The following ADAMTS19 variants were observed in gnomAD, a reference collection of about 807,000 sequenced individuals.
ADAMTS19 encodes the protein ADAM metallopeptidase with thrombospondin type 1 motif 19.
Under a neutral mutation model 153.3 loss-of-function variants are expected in ADAMTS19, and 93 were observed. That is an observed-to-expected ratio of 0.61 (90% CI 0.51 to 0.72). ADAMTS19 has a LOEUF of 0.72. Ranked by LOEUF, ADAMTS19 falls within the 30% of genes least tolerant of loss-of-function variation. The pLI is 0.00. For missense variants in ADAMTS19, 1,482 were observed against 1,552.1 expected, an observed-to-expected ratio of 0.95 and a Z score of 0.76; for synonymous variants, 600 against 556.6, an observed-to-expected ratio of 1.08 and a Z score of -1.10.
intron 2 of ADAMTS19, among the ~76,000 whole-genome samples, chr5:129,490,728 CCA>C (rs1157426219): frequency 1.3e-5 from 2 of 152,080 alleles, no homozygotes; most frequent in Non-Finnish European, 2.9e-5. Flanking sequence ...TCAGTTTATC[CCA>C]GATTACTAAG....
intron 20 of ADAMTS19, 68 bp downstream of exon 20, chr5:129,701,660 A>C: frequency 6.5e-7 from 1 of 1,529,642 alleles, no homozygotes; most frequent in South Asian, 1.2e-5. Flanking sequence ...ATCAGGTTGG[A>C]TCATGTTCAG....
At chr5:129,687,329 G>T (rs1755140335) in intron 18 of ADAMTS19, among the ~76,000 whole-genome samples, 1 of 152,046 alleles carries the variant, frequency 6.6e-6, no homozygotes, top group African/African-American at 2.4e-5. Context: ...TAAAACTCTA[G>T]ACAGGAAAAT....
At position 129,694,808 on chromosome 5, in the gene ADAMTS19, G is replaced by A. The variant is rs764239788; in HGVS notation, c.2907G>A (p.Lys969=). 2 of 1,605,114 alleles carry A rather than the reference G, an allele frequency of 1.2e-6. No homozygotes were observed. Among genetic ancestry groups the A allele is most frequent in the Non-Finnish European group, 8.5e-7 (1 of 1,175,456 alleles). Residue 969 remains lysine (K), a synonymous_variant, in exon 19 of 23, where the codon AAG becomes AAA. Transcript: ENST00000274487. The part of the protein sequence containing the change: ...VDNEKCKYLT[K]PEPQIRKCNE... ...ATGAGAAATGCAAATACTTAACCAA[G>A]CCAGAGCCACAGATTCGAAAGTGCA... is the stretch of plus-strand genomic sequence containing the variant.
chr5:129,460,472 G>A lies in ADAMTS19; in HGVS notation c.81G>A (p.Gly27=), dbSNP rs535502815. The A allele has an allele frequency of 1.2e-6, 2 of 1,614,186 alleles. No homozygotes were observed. The highest frequency in any genetic ancestry group is 2.2e-5 in the South Asian group (2 of 91,074). ...LLYQLGFLSN[G]IVSELQFAPD... is the part of the protein sequence containing the mutation. ...ACCAGCTGGGGTTCCTGTCGAATGG[G>A]ATCGTTTCAGGTAAGTTCTTCCGTG... is the stretch of plus-strand genomic sequence containing the variant. Residue 27 remains glycine (G), a synonymous_variant, in exon 1 of 23, where the codon GGG becomes GGA. Coordinates refer to ENST00000274487, the MANE Select transcript of ADAMTS19 (RefSeq NM_133638.6).
chr5:129,621,694 G>A (rs561192756), intron 9 of ADAMTS19, among the ~76,000 whole-genome samples: 1 of 152,252 alleles, frequency 6.6e-6, no homozygotes, highest in Non-Finnish European at 1.5e-5. Flanking sequence ...CATGAATCAG[G>A]ACTCCTATGA....
intron 2 of ADAMTS19, among the ~76,000 whole-genome samples, chr5:129,477,268 C>G (rs1750256302): frequency 6.6e-6 from 1 of 152,104 alleles, no homozygotes. Flanking sequence ...AAGTCAGTTC[C>G]AAATCTTAGC....
intron 8 of ADAMTS19, among the ~76,000 whole-genome samples, chr5:129,604,100 G>A (rs779004005): frequency 6.6e-6 from 1 of 152,052 alleles, no homozygotes; most frequent in South Asian, 2.1e-4. Flanking sequence ...ACTGGGGCTC[G>A]GTGGGGAGGA....
intron 6 of ADAMTS19, among the ~76,000 whole-genome samples, chr5:129,543,838 G>A (rs909319239): frequency 1.3e-5 from 2 of 152,164 alleles, no homozygotes; most frequent in African/African-American, 4.8e-5. Flanking sequence ...AGCAATTCAT[G>A]TGATAACCTA....
At chr5:129,736,092 T>C (rs920652118) in intron 22 of ADAMTS19, among the ~76,000 whole-genome samples, 1 of 152,026 alleles carries the variant, frequency 6.6e-6, no homozygotes, top group Non-Finnish European at 1.5e-5. Flanking sequence ...AATAATGAGT[T>C]CAAGGTGAAT....
intron 17 of ADAMTS19, among the ~76,000 whole-genome samples, chr5:129,681,003 T>A (rs555769096): frequency 1.3e-5 from 2 of 152,316 alleles, no homozygotes; most frequent in Admixed American, 6.5e-5. Context: ...CCTCCTTAAG[T>A]CCACATATAA....
chr5:129,482,079 G>A (rs563420589), intron 2 of ADAMTS19, among the ~76,000 whole-genome samples: 1 of 152,266 alleles, frequency 6.6e-6, no homozygotes, highest in African/African-American at 2.4e-5. Flanking sequence ...AATAGTTTCA[G>A]ACCAGTCATT....
chr5:129,612,526 C>T (rs543597156), intron 8 of ADAMTS19, among the ~76,000 whole-genome samples: 1 of 152,240 alleles, frequency 6.6e-6, no homozygotes, highest in Admixed American at 6.5e-5. Flanking sequence ...CCTACAAGAG[C>T]TCCTGAAGGA....
At chr5:129,691,168 A>G (rs1206217048) in intron 18 of ADAMTS19, among the ~76,000 whole-genome samples, 1 of 152,216 alleles carries the variant, frequency 6.6e-6, no homozygotes, top group Non-Finnish European at 1.5e-5. Flanking sequence ...GTCTTTGTTA[A>G]ATTTCCAAAG....
At chr5:129,524,595 T>G (rs1751937948) in intron 3 of ADAMTS19, among the ~76,000 whole-genome samples, 1 of 137,420 alleles carries the variant, frequency 7.3e-6, no homozygotes, top group African/African-American at 3.1e-5. Flanking sequence ...ATAAGGAACT[T>G]AAACAAATTT....
At chr5:129,691,967 C>A (rs1444893809) in intron 18 of ADAMTS19, among the ~76,000 whole-genome samples, 1 of 152,074 alleles carries the variant, frequency 6.6e-6, no homozygotes, top group Non-Finnish European at 1.5e-5. Flanking sequence ...ATATGTTCAG[C>A]AAAAGCTTTC....
chr5:129,611,429 A>G (rs13153105), intron 8 of ADAMTS19, among the ~76,000 whole-genome samples: 77,686 of 152,044 alleles, frequency 0.51, 22,944 homozygotes, highest in Non-Finnish European at 0.66. Context: ...TAGGTTTAAC[A>G]TTTAAGTCTT....
chr5:129,622,872 A>G (rs139151397), intron 10 of ADAMTS19, among the ~76,000 whole-genome samples: 108 of 152,118 alleles, frequency 7.1e-4, no homozygotes, highest in Non-Finnish European at 1.4e-3. Flanking sequence ...TTATTTTATT[A>G]TTTGTATTAT....
At chr5:129,662,506 TAGAG>T (rs1408179549) in intron 15 of ADAMTS19, among the ~76,000 whole-genome samples, 1 of 152,208 alleles carries the variant, frequency 6.6e-6, no homozygotes, top group Non-Finnish European at 1.5e-5. Context: ...AACTCAATAA[TAGAG>T]AATCGCTGTA....
At chr5:129,479,845 A>G (rs1244731767) in intron 2 of ADAMTS19, among the ~76,000 whole-genome samples, 1 of 152,162 alleles carries the variant, frequency 6.6e-6, no homozygotes, top group Non-Finnish European at 1.5e-5. Flanking sequence ...ATACATACAA[A>G]GCTCATGAAT....
Sources: gnomAD v4.1 joint callset for allele counts (sites outside exome capture counted in the v4.1 genomes callset) on GRCh38, gnomAD v4.1.1 for gene constraint, MANE v1.5 for transcripts, NCBI Gene and HGNC (gene_info 2026-07-23, HGNC 2026-07-21) for gene names.